The following ARHGAP39 variants were observed in gnomAD, a reference collection of about 807,000 sequenced individuals.
ARHGAP39 encodes the protein Rho GTPase activating protein 39, also known as rho GTPase-activating protein 39.
A neutral mutation model predicts 106.9 loss-of-function variants in ARHGAP39; 44 were observed. That is an observed-to-expected ratio of 0.41 (90% CI 0.32 to 0.53). The LOEUF is 0.53. Ranked by LOEUF, ARHGAP39 falls within the 20% of genes least tolerant of loss-of-function variation. The probability of loss-of-function intolerance (pLI) is 0.21; values close to 1 mark genes in which losing one functional copy is unlikely to be tolerated. For missense variants in ARHGAP39, 1,496 were observed against 1,577.3 expected (o/e 0.95, Z 0.87); for synonymous variants, 768 against 693.2 (o/e 1.11, Z -1.69).
In ARHGAP39 at chr8:144,602,226, T is replaced by C. The variant is rs368846105; in HGVS notation, c.80+3309A>G. On this transcript the variant is annotated intron_variant, in intron 2 of 11. Coordinates refer to ENST00000377307, the MANE Select transcript of ARHGAP39 (RefSeq NM_025251.3). ...AGGCGTGCGTGCGAGCTCGTGTACC[T>C]GTGTGCATGTGCGTGGAGGTGTGTG... is the stretch of plus-strand genomic sequence containing the variant. Among the ~76,000 whole-genome samples the C allele has an allele frequency of 8.5e-3, 1,112 of 131,546 alleles. 18 individuals carry two copies. The highest frequency in any genetic ancestry group is 0.018 in the Admixed American group (227 of 12,282). The allele number at this position is 131,546 out of a possible 152,430, so 86.3% of individuals were successfully genotyped here. A position where few individuals can be genotyped will look rare whatever the true frequency, so the allele number is the denominator to read the frequency against.
chr8:144,587,472 CT>C (rs755518404), intron 2 of ARHGAP39, among the ~76,000 whole-genome samples: 42 of 152,114 alleles, frequency 2.8e-4, no homozygotes, highest in Non-Finnish European at 1.9e-4. Flanking sequence ...AAATAAATCC[CT>C]GAAATTCACG....
rs1325240411 is a variant in ARHGAP39, at chr8:144,537,759, A to T, written c.2576T>A (p.Leu859Ter). ...AACATAAGGCTTGGGTTTCTTTCTCAATTTGGACTTCTTCTTAGTGTTTCT... is the reference window on the plus strand; with the variant it reads ...AACATAAGGCTTGGGTTTCTTTCTCTATTTGGACTTCTTCTTAGTGTTTCT... Reference protein sequence around the residue: ...LERNTKKKSKLRKKPKPYVEE... With the variant: ...LERNTKKKSK Residue 859 changes from leucine to a stop codon, truncating the protein, a stop_gained, in exon 7 of 12, where the codon TTG (leucine) becomes TAG (stop). Coordinates refer to ENST00000377307, the MANE Select transcript of ARHGAP39 (RefSeq NM_025251.3). LOFTEE classifies it high-confidence loss of function. 1 of 1,614,064 alleles carries T rather than the reference A, an allele frequency of 6.2e-7. No individual in the cohort carries two copies. The highest frequency in any genetic ancestry group is 8.5e-7 in the Non-Finnish European group (1 of 1,179,954).
At chr8:144,551,137 G>A (rs541187870) in intron 4 of ARHGAP39, among the ~76,000 whole-genome samples, 10 of 152,184 alleles carry the variant, frequency 6.6e-5, no homozygotes, top group East Asian at 3.9e-4. Context: ...ACTGGCAGAC[G>A]GTCCCAGCAC....
At position 144,548,607 on chromosome 8, in the gene ARHGAP39, G is replaced by A. The variant is rs1478880217; in HGVS notation, c.597-118C>T. The A allele has an allele frequency of 1.5e-6, 2 of 1,353,174 alleles. No homozygotes were observed. Among genetic ancestry groups the A allele is most frequent in the Non-Finnish European group, 2.0e-6 (2 of 1,021,372 alleles). 83.8% of individuals were successfully genotyped at this position (1,353,174 alleles called of 1,614,324 possible). A position where few individuals can be genotyped will look rare whatever the true frequency, so the allele number is the denominator to read the frequency against. On this transcript the variant is annotated intron_variant, in intron 4 of 11. Transcript: ENST00000377307. This position sits in a 1 kb window ranked among gnomAD's most constrained non-coding sequence, Gnocchi z 7.4. ...GAACCCTCTGTTGTACACCTTCCTC[G>A]CTGGGGCCCTGTGGCCTGGCGCCCC...
chr8:144,566,877 GAAAT>G (rs1818417714), intron 3 of ARHGAP39, among the ~76,000 whole-genome samples: 1 of 146,666 alleles, frequency 6.8e-6, no homozygotes, highest in Admixed American at 6.8e-5. Context: ...AAAAAAAAAA[GAAAT>G]AAAGGAGCTA....
At chr8:144,677,877 A>T (rs1211580321) in intron 1 of ARHGAP39, among the ~76,000 whole-genome samples, 1 of 152,152 alleles carries the variant, frequency 6.6e-6, no homozygotes, top group Admixed American at 6.5e-5. Context: ...ACAAAATTGA[A>T]ACTTTCTAGG....
intron 2 of ARHGAP39, among the ~76,000 whole-genome samples, chr8:144,589,732 G>C (rs1253632312): frequency 2.0e-5 from 3 of 152,244 alleles, no homozygotes; most frequent in African/African-American, 7.2e-5. Context: ...GCCTGTGGCA[G>C]AGACACCCAA....
chr8:144,566,243 T>C (rs909009996), intron 3 of ARHGAP39, among the ~76,000 whole-genome samples: 3 of 152,036 alleles, frequency 2.0e-5, no homozygotes, highest in African/African-American at 7.2e-5. Flanking sequence ...CTTAATCAAA[T>C]TGCTTAAAAT....
At chr8:144,666,339 A>G (rs1177405883) in intron 1 of ARHGAP39, among the ~76,000 whole-genome samples, 1 of 152,148 alleles carries the variant, frequency 6.6e-6, no homozygotes, top group Non-Finnish European at 1.5e-5. Flanking sequence ...TGCTGAAATG[A>G]GCTAAGACTT....
At chr8:144,533,102 C>T (rs767912306) in intron 9 of ARHGAP39, 24 bp downstream of exon 9, 3 of 1,589,836 alleles carry the variant, frequency 1.9e-6, no homozygotes, top group Admixed American at 1.7e-5. Flanking sequence ...CCCCCACACC[C>T]GGCGCCCGGG....
Position 144,661,217 on chromosome 8 carries a change from G to A in ARHGAP39, c.-82+24469C>T, listed in dbSNP as rs995718268. 3.9e-5 allele frequency among the ~76,000 whole-genome samples: 6 copies of A among 152,154 alleles called. No homozygotes were observed. In the Middle Eastern group the frequency reaches 0.01, roughly 259 times the overall value. On this transcript the variant is annotated intron_variant, in intron 1 of 11. Transcript: ENST00000377307. Reference sequence around the variant, plus strand: ...ACACAGGCAGTGTGGAGCAGAGGAGGCCATTCCACTCTACACACAGGAGGA... The same window carrying A: ...ACACAGGCAGTGTGGAGCAGAGGAGACCATTCCACTCTACACACAGGAGGA...
Position 144,530,050 on chromosome 8 carries a change from G to A in ARHGAP39, c.*372C>T. 4.2e-6 allele frequency: 1 copy of A among 236,350 alleles called. No homozygotes were observed. Among genetic ancestry groups the A allele is most frequent in the Admixed American group, 5.4e-5 (1 of 18,616 alleles). The allele number at this position is 236,350 out of a possible 1,614,324, so 14.6% of individuals were successfully genotyped here. ...GGGAAGGAGAGACCGGGGCGGCTGG[G>A]CAAGGCCCAGGCCAGGGCGCGCAGG... On this transcript the variant is annotated 3_prime_UTR_variant, in exon 12 of 12. Coordinates refer to ENST00000377307, the MANE Select transcript of ARHGAP39 (RefSeq NM_025251.3).
chr8:144,548,878 G>C lies in ARHGAP39; in HGVS notation c.597-389C>G, dbSNP rs1817588735. 1.3e-5 allele frequency among the ~76,000 whole-genome samples: 2 copies of C among 152,210 alleles called. No individual in the cohort carries two copies. The highest frequency in any genetic ancestry group is 2.9e-5 in the Non-Finnish European group (2 of 68,044). On this transcript the variant is annotated intron_variant, in intron 4 of 11. Transcript: ENST00000377307. The surrounding 1 kb of genome is among the most constrained non-coding windows in gnomAD (Gnocchi z 7.4). ...GTGTTCCTGCTGAGCAGTGGCGTTG[G>C]ACCCGTCCCAGTGGTCCAGGTGAGC...
At chr8:144,633,506 G>A (rs927235727) in intron 1 of ARHGAP39, among the ~76,000 whole-genome samples, 3 of 151,992 alleles carry the variant, frequency 2.0e-5, no homozygotes, top group South Asian at 2.1e-4. Context: ...ATGTCCAGTC[G>A]GCAAAAAAAG....
chr8:144,547,412 C>T lies in ARHGAP39; in HGVS notation c.1674G>A (p.Arg558=), dbSNP rs761666193. 2.1e-4 allele frequency: 341 copies of T among 1,590,922 alleles called. No homozygotes were observed. Among genetic ancestry groups the T allele is most frequent in the Non-Finnish European group, 2.8e-4 (334 of 1,175,668 alleles). ...GAAEPFLAQA[R]LAWEAQQAHF... is the part of the protein sequence containing the mutation. ...GGGCCTGCTGCGCCTCCCAGGCCAGCCGAGCCTGCGCCAGGAAGGGCTCGG... is the reference window on the plus strand; with the variant it reads ...GGGCCTGCTGCGCCTCCCAGGCCAGTCGAGCCTGCGCCAGGAAGGGCTCGG... The change falls in exon 5 of 12, where the codon CGG becomes CGA. Residue 558 remains arginine (R), a synonymous_variant. Coordinates refer to ENST00000377307, the MANE Select transcript of ARHGAP39 (RefSeq NM_025251.3). The surrounding 1 kb of genome is among the most constrained non-coding windows in gnomAD (Gnocchi z 5.2).
At chr8:144,648,576 TCCGAAAGGTAGAGCAAGTTCCACTCAA>T (rs1321699813) in intron 1 of ARHGAP39, among the ~76,000 whole-genome samples, 1 of 152,134 alleles carries the variant, frequency 6.6e-6, no homozygotes, top group Non-Finnish European at 1.5e-5. Context: ...AGCTTTTTAT[TCCGAAAGGTAGAGCAAGTTCCACTCAA>T]CAAGAACAAC....
At chr8:144,575,415 T>C (rs1467301498) in intron 3 of ARHGAP39, among the ~76,000 whole-genome samples, 1 of 152,186 alleles carries the variant, frequency 6.6e-6, no homozygotes, top group Admixed American at 6.5e-5. Context: ...ATACAAAATA[T>C]TTTCTTTCTT....
chr8:144,555,901 C>T (rs1391351712), intron 3 of ARHGAP39, among the ~76,000 whole-genome samples: 1 of 152,166 alleles, frequency 6.6e-6, no homozygotes, highest in Non-Finnish European at 1.5e-5. Context: ...GGAGCTGGGG[C>T]TACTGTTCTA....
At chr8:144,581,312 C>A in intron 2 of ARHGAP39, 35 bp from the exon 3 acceptor site, 1 of 1,509,498 alleles carries the variant, frequency 6.6e-7, no homozygotes, top group Non-Finnish European at 8.9e-7. Context: ...GCTGGAGCCA[C>A]GGCGGCCTGG....
Sources: allele counts gnomAD v4.1 joint callset (sites outside exome capture counted in the v4.1 genomes callset), GRCh38; gene constraint gnomAD v4.1.1; non-coding constraint Gnocchi (gnomAD v3.1); transcripts MANE v1.5; gene names NCBI Gene and HGNC (gene_info 2026-07-23, HGNC 2026-07-21).